Variants in CCDC178 observed in about 807,000 individuals in gnomAD.
CCDC178 encodes the protein coiled-coil domain-containing protein 178.
Under a neutral mutation model 117.4 loss-of-function variants are expected in CCDC178, and 126 were observed. The observed-to-expected ratio is 1.07, with a 90% confidence interval of 0.93 to 1.24. The LOEUF (loss-of-function observed/expected upper bound fraction) is 1.24. Ranked by LOEUF, CCDC178 falls within the 50% of genes most tolerant of loss-of-function variation. The pLI is 0.00. For missense variants in CCDC178, 1,030 were observed against 986.9 expected, an observed-to-expected ratio of 1.04 and a Z score of -0.59; for synonymous variants, 283 against 313.4, an observed-to-expected ratio of 0.90 and a Z score of 1.02.
chr18:33,015,319 C>T (rs1441839498), intron 21 of CCDC178, among the ~76,000 whole-genome samples: 2 of 151,396 alleles, frequency 1.3e-5, no homozygotes, highest in Admixed American at 6.6e-5. Context: ...AATCTCAGCA[C>T]TTTGGGAGGC....
At chr18:32,942,694 C>CT (rs928615491) in intron 22 of CCDC178, among the ~76,000 whole-genome samples, 46 of 151,142 alleles carry the variant, frequency 3.0e-4, no homozygotes, top group Non-Finnish European at 5.3e-4. Flanking sequence ...GTTTTTTATT[C>CT]TTTTTTTTTA....
chr18:33,193,970 G>A (rs978037541), intron 20 of CCDC178, among the ~76,000 whole-genome samples: 1 of 152,200 alleles, frequency 6.6e-6, no homozygotes, highest in Non-Finnish European at 1.5e-5. Flanking sequence ...CAGACAGGCA[G>A]AGGCAAAAGG....
chr18:33,440,314 A>ACTGGGGGACTGGGGGACTGGGGGC (rs2064364126), intron 1 of CCDC178, among the ~76,000 whole-genome samples: 1 of 33,094 alleles, frequency 3.0e-5, no homozygotes, highest in African/African-American at 1.1e-4. Flanking sequence ...GGACTGGGGG[A>ACTGGGGGACTGGGGGACTGGGGGC]CTGGGGGACT....
intron 20 of CCDC178, among the ~76,000 whole-genome samples, chr18:33,191,851 T>A (rs2058862128): frequency 6.6e-6 from 1 of 152,144 alleles, no homozygotes; most frequent in Non-Finnish European, 1.5e-5. Context: ...TATATTTAAG[T>A]AAAAATTATT....
At chr18:33,360,976 GA>G (rs1486196378) in intron 6 of CCDC178, among the ~76,000 whole-genome samples, 2 of 151,020 alleles carry the variant, frequency 1.3e-5, no homozygotes, top group African/African-American at 4.9e-5. Context: ...TATTTTCACA[GA>G]AATAGAAAAA....
At chr18:33,008,035 T>C (rs563257841) in intron 21 of CCDC178, among the ~76,000 whole-genome samples, 2 of 152,162 alleles carry the variant, frequency 1.3e-5, no homozygotes, top group East Asian at 1.9e-4. Flanking sequence ...TGTAACATTA[T>C]GTCAAACATT....
intron 15 of CCDC178, among the ~76,000 whole-genome samples, chr18:33,236,666 C>T (rs1391712553): frequency 6.6e-6 from 1 of 151,956 alleles, no homozygotes; most frequent in African/African-American, 2.4e-5. Flanking sequence ...TCATCCGCAC[C>T]CCAAAAAGAA....
intron 14 of CCDC178, among the ~76,000 whole-genome samples, chr18:33,252,379 T>C (rs1447112669): frequency 6.6e-6 from 1 of 151,758 alleles, no homozygotes; most frequent in Non-Finnish European, 1.5e-5. Context: ...AAGTCTAAAA[T>C]GGGCTAACTA....
intron 15 of CCDC178, among the ~76,000 whole-genome samples, chr18:33,234,217 T>A (rs2059400405): frequency 6.6e-6 from 1 of 152,164 alleles, no homozygotes; most frequent in South Asian, 2.1e-4. Flanking sequence ...GCAGCCATTG[T>A]GGGACTTTAA....
At chr18:33,355,603 G>A (rs1464741202) in intron 7 of CCDC178, among the ~76,000 whole-genome samples, 6 of 152,146 alleles carry the variant, frequency 3.9e-5, no homozygotes, top group African/African-American at 1.4e-4. Context: ...CAAATCTCCA[G>A]TATATTGAGA....
rs539468486 is a variant in CCDC178, at chr18:33,224,645, T to C, written c.1818+130A>G. On this transcript the variant is annotated intron_variant, in intron 17 of 22. Transcript: ENST00000383096. ...TTTCACTGCAGATCAAGTTGCGTGG[T>C]CCTGAAATAGTTACTTAGTTTGCCC... The C allele has an allele frequency of 1.9e-5, 10 of 518,708 alleles. No individual in the cohort carries two copies. The South Asian group carries it at 3.1e-4, about 16-fold the overall frequency. 32.1% of individuals were successfully genotyped at this position (518,708 alleles called of 1,614,324 possible). A position where few individuals can be genotyped will look rare whatever the true frequency, so the allele number is the denominator to read the frequency against.
intron 11 of CCDC178, among the ~76,000 whole-genome samples, chr18:33,301,082 C>T (rs1156476458): frequency 6.6e-6 from 1 of 152,206 alleles, no homozygotes; most frequent in South Asian, 2.1e-4. Context: ...TGGGATGCTG[C>T]TTCCCTGCTC....
At chr18:33,343,199 G>A (rs2062839649) in intron 9 of CCDC178, among the ~76,000 whole-genome samples, 1 of 152,028 alleles carries the variant, frequency 6.6e-6, no homozygotes, top group African/African-American at 2.4e-5. Context: ...ATATATAGAA[G>A]CAGGTACGAT....
chr18:32,993,027 G>A (rs753023580), intron 21 of CCDC178, among the ~76,000 whole-genome samples: 3 of 152,042 alleles, frequency 2.0e-5, no homozygotes, highest in South Asian at 2.1e-4. Flanking sequence ...TTAGCAGGGC[G>A]TGGTGGCGCA....
At chr18:33,060,025 T>C (rs141751587) in intron 21 of CCDC178, among the ~76,000 whole-genome samples, 26 of 152,174 alleles carry the variant, frequency 1.7e-4, no homozygotes, top group Middle Eastern at 3.4e-3. Flanking sequence ...ATATTTTGGG[T>C]TAAACTTACA....
intron 21 of CCDC178, among the ~76,000 whole-genome samples, chr18:33,044,900 G>A (rs556497131): frequency 1.3e-5 from 2 of 152,218 alleles, no homozygotes; most frequent in South Asian, 2.1e-4. Flanking sequence ...CCATTGTTCT[G>A]AGGGAAATAA....
At chr18:33,191,844 A>G (rs1285298660) in intron 20 of CCDC178, among the ~76,000 whole-genome samples, 4 of 152,172 alleles carry the variant, frequency 2.6e-5, no homozygotes, top group Non-Finnish European at 5.9e-5. Context: ...AAATATCTAT[A>G]TTTAAGTAAA....
chr18:33,104,716 GT>G (rs1298689183), intron 20 of CCDC178, among the ~76,000 whole-genome samples: 1 of 151,652 alleles, frequency 6.6e-6, no homozygotes, highest in Non-Finnish European at 1.5e-5. Context: ...TGGAAGGAAG[GT>G]TAAACATAGA....
intron 21 of CCDC178, among the ~76,000 whole-genome samples, chr18:32,982,849 A>C (rs1345038424): frequency 6.6e-6 from 1 of 152,148 alleles, no homozygotes; most frequent in Non-Finnish European, 1.5e-5. Flanking sequence ...CAGGGTTTTT[A>C]GGGCGGTGAA....
Sources: allele counts gnomAD v4.1 joint callset (sites outside exome capture counted in the v4.1 genomes callset), GRCh38; gene constraint gnomAD v4.1.1; transcripts MANE v1.5; gene names NCBI Gene and HGNC (gene_info 2026-07-23, HGNC 2026-07-21).